The following NRXN1 variants were observed in gnomAD, a reference collection of about 807,000 sequenced individuals.
The protein encoded by NRXN1 is neurexin-1.
A neutral mutation model predicts 150.9 loss-of-function variants in NRXN1; 39 were observed. That is an observed-to-expected ratio of 0.26 (90% CI 0.20 to 0.34). The LOEUF is 0.34. Among genes scored for constraint, NRXN1 ranks in the 10% least tolerant of loss-of-function variants. The probability of loss-of-function intolerance (pLI) is 1.00; values close to 1 mark genes in which losing one functional copy is unlikely to be tolerated. For missense variants in NRXN1, 1,815 were observed against 1,949.9 expected (o/e 0.93, Z 1.30); for synonymous variants, 924 against 757.0 (o/e 1.22, Z -3.62).
At chr2:51,001,228 T>TGGCG (rs1553477195) in intron 2 of NRXN1, among the ~76,000 whole-genome samples, 9 of 13,262 alleles carry the variant, frequency 6.8e-4, no homozygotes, top group East Asian at 4.1e-3. Flanking sequence ...GGTAGATTCA[T>TGGCG]GGGGTTGGGG....
At chr2:50,404,080 A>G (rs183149650) in intron 17 of NRXN1, among the ~76,000 whole-genome samples, 4 of 151,766 alleles carry the variant, frequency 2.6e-5, no homozygotes, top group Admixed American at 2.6e-4. Flanking sequence ...CTTACTCCCT[A>G]CCCCCTACCA....
intron 19 of NRXN1, among the ~76,000 whole-genome samples, chr2:50,059,712 G>A (rs1357238688): frequency 1.3e-5 from 2 of 152,132 alleles, no homozygotes; most frequent in African/African-American, 4.8e-5. Flanking sequence ...TCAGGACTCA[G>A]GTGTCTTGCA....
chr2:50,720,194 A>G (rs919048279), intron 5 of NRXN1, among the ~76,000 whole-genome samples: 4 of 151,648 alleles, frequency 2.6e-5, no homozygotes, highest in African/African-American at 9.7e-5. Flanking sequence ...ATTGTCTTTC[A>G]ACTTTTTTTT....
chr2:50,624,849 C>G (rs539296928), intron 5 of NRXN1: 2 of 151,924 alleles, frequency 1.3e-5, no homozygotes, highest in Non-Finnish European at 2.9e-5. Context: ...AGATGCTAGA[C>G]AGATCAAACA....
chr2:50,653,780 C>A (rs1685978448), intron 5 of NRXN1, among the ~76,000 whole-genome samples: 1 of 151,934 alleles, frequency 6.6e-6, no homozygotes, highest in South Asian at 2.1e-4. Context: ...CTTGCCTGTT[C>A]TCTTACTGTC....
chr2:50,438,990 T>G (rs1408293099), intron 17 of NRXN1, among the ~76,000 whole-genome samples: 1 of 152,222 alleles, frequency 6.6e-6, no homozygotes, highest in African/African-American at 2.4e-5. Flanking sequence ...CAAAGTAAGC[T>G]GTCATTGGAG....
intron 19 of NRXN1, among the ~76,000 whole-genome samples, chr2:50,075,529 G>A (rs925915177): frequency 2.0e-5 from 3 of 152,170 alleles, no homozygotes; most frequent in Non-Finnish European, 2.9e-5. Context: ...AATTCAGGCA[G>A]TAGTCTCAGC....
At chr2:50,939,060 A>T (rs989441205) in intron 2 of NRXN1, among the ~76,000 whole-genome samples, 6 of 151,754 alleles carry the variant, frequency 4.0e-5, no homozygotes, top group Non-Finnish European at 7.4e-5. Context: ...AAATACTAAA[A>T]ATTAGCTGGG....
intron 17 of NRXN1, among the ~76,000 whole-genome samples, chr2:50,413,352 A>C (rs2083321402): frequency 6.6e-6 from 1 of 152,254 alleles, no homozygotes; most frequent in South Asian, 2.1e-4. Flanking sequence ...ATCACAGATC[A>C]TCGGAGAAAT....
At chr2:50,603,626 C>G (rs1573747439) in intron 8 of NRXN1, among the ~76,000 whole-genome samples, 1 of 152,102 alleles carries the variant, frequency 6.6e-6, no homozygotes, top group South Asian at 2.1e-4. Context: ...GTGTGATATG[C>G]TGGGACCCCT....
At chr2:50,700,890 T>G (rs185581627) in intron 5 of NRXN1, among the ~76,000 whole-genome samples, 13 of 151,866 alleles carry the variant, frequency 8.6e-5, no homozygotes, top group Admixed American at 3.3e-4. Context: ...ATGGTCTCAG[T>G]CTCCTGACCT....
At chr2:50,778,507 G>C (rs189273314) in intron 5 of NRXN1, among the ~76,000 whole-genome samples, 1 of 152,290 alleles carries the variant, frequency 6.6e-6, no homozygotes, top group East Asian at 1.9e-4. Flanking sequence ...ATTCCAGGTA[G>C]AACCTTGGTG....
chr2:50,938,174 G>A (rs1297046625), intron 2 of NRXN1, among the ~76,000 whole-genome samples: 3 of 152,126 alleles, frequency 2.0e-5, no homozygotes, highest in Non-Finnish European at 4.4e-5. Flanking sequence ...GTGAGTAAAT[G>A]TGAAAGCCTA....
intron 21 of NRXN1, among the ~76,000 whole-genome samples, chr2:49,968,748 G>C (rs187846536): frequency 5.3e-5 from 8 of 152,034 alleles, no homozygotes; most frequent in South Asian, 2.1e-4. Context: ...GAAATATATA[G>C]AATACAATGA....
chr2:50,403,563 C>T (rs1329080037), intron 17 of NRXN1, among the ~76,000 whole-genome samples: 2 of 151,878 alleles, frequency 1.3e-5, no homozygotes, highest in African/African-American at 2.4e-5. Context: ...TTTAAAACTA[C>T]TTGGAGAAAT....
intron 17 of NRXN1, among the ~76,000 whole-genome samples, chr2:50,273,971 T>C (rs192799062): frequency 4.8e-4 from 73 of 152,296 alleles, no homozygotes; most frequent in African/African-American, 1.6e-3. Flanking sequence ...AGTGTGGCTA[T>C]TCCTCAAGGA....
At chr2:50,792,332 T>C (rs1204750329) in intron 5 of NRXN1, among the ~76,000 whole-genome samples, 1 of 152,142 alleles carries the variant, frequency 6.6e-6, no homozygotes. Context: ...ATTTTCTCTA[T>C]AAAATTTTCA....
chr2:50,077,458 T>C (rs1426799059), intron 19 of NRXN1, among the ~76,000 whole-genome samples: 1 of 152,154 alleles, frequency 6.6e-6, no homozygotes, highest in African/African-American at 2.4e-5. Flanking sequence ...CTTTTTTTAC[T>C]AAAGCAAATC....
intron 2 of NRXN1, among the ~76,000 whole-genome samples, chr2:50,926,824 G>T (rs1459712895): frequency 6.6e-6 from 1 of 151,704 alleles, no homozygotes; most frequent in Admixed American, 6.6e-5. Flanking sequence ...TTCCATGTGT[G>T]TACCTATGTA....
Sources: allele counts gnomAD v4.1 joint callset (sites outside exome capture counted in the v4.1 genomes callset), GRCh38; gene constraint gnomAD v4.1.1; transcripts MANE v1.5; gene names NCBI Gene and HGNC (gene_info 2026-07-23, HGNC 2026-07-21).